The following ZBTB20 variants were observed in gnomAD, a reference collection of about 807,000 sequenced individuals.
The protein encoded by ZBTB20 is zinc finger and BTB domain-containing protein 20.
ZBTB20 carries 9 observed loss-of-function variants against 56.9 expected under a neutral mutation model. The ratio of observed to expected loss-of-function variants is 0.16; its 90% confidence interval spans 0.10 to 0.28. ZBTB20 has a LOEUF of 0.28. Among genes scored for constraint, ZBTB20 ranks in the 10% least tolerant of loss-of-function variants. The pLI is 1.00. For missense variants in ZBTB20, 655 were observed against 1,003.0 expected (o/e 0.65, Z 4.69); for synonymous variants, 417 against 420.7 (o/e 0.99, Z 0.11).
intron 4 of ZBTB20, among the ~76,000 whole-genome samples, chr3:114,816,147 T>C (rs2072899840): frequency 6.6e-6 from 1 of 152,210 alleles, no homozygotes; most frequent in South Asian, 2.1e-4. Context: ...CAAAAACTGT[T>C]ACAAAGTGGG....
At chr3:114,991,021 A>C (rs190216331) in intron 2 of ZBTB20, among the ~76,000 whole-genome samples, 1 of 152,034 alleles carries the variant, frequency 6.6e-6, no homozygotes, top group Non-Finnish European at 1.5e-5. Flanking sequence ...TCTTGCTAGC[A>C]GTCTACCAAT....
At chr3:114,426,432 C>T (rs1331494754) in intron 7 of ZBTB20, among the ~76,000 whole-genome samples, 1 of 151,698 alleles carries the variant, frequency 6.6e-6, no homozygotes, top group Non-Finnish European at 1.5e-5. Flanking sequence ...CTCTTTAGTC[C>T]TCCAGTGGCT....
intron 2 of ZBTB20, among the ~76,000 whole-genome samples, chr3:115,040,074 CATAA>C (rs2081080245): frequency 6.6e-6 from 1 of 151,908 alleles, no homozygotes; most frequent in Non-Finnish European, 1.5e-5. Context: ...CTTTGCTCAC[CATAA>C]ATATATACAA....
chr3:115,114,423 A>G (rs2083963234), intron 1 of ZBTB20, among the ~76,000 whole-genome samples: 1 of 152,210 alleles, frequency 6.6e-6, no homozygotes, highest in Admixed American at 6.5e-5. Context: ...TTTCAATATT[A>G]ATGGCCAATT....
chr3:114,879,434 T>A (rs2076314637), intron 4 of ZBTB20, among the ~76,000 whole-genome samples: 1 of 152,146 alleles, frequency 6.6e-6, no homozygotes, highest in African/African-American at 2.4e-5. Context: ...AAACCCTCAG[T>A]AGTGACTAAA....
chr3:115,020,530 A>G (rs557259127), intron 2 of ZBTB20, among the ~76,000 whole-genome samples: 1 of 151,316 alleles, frequency 6.6e-6, no homozygotes, highest in South Asian at 2.1e-4. Context: ...AACTTCAAGT[A>G]AAGGAATCTT....
intron 6 of ZBTB20, among the ~76,000 whole-genome samples, chr3:114,645,191 C>T (rs1015651654): frequency 3.3e-5 from 5 of 151,934 alleles, no homozygotes; most frequent in African/African-American, 9.7e-5. Context: ...ACTATATTGG[C>T]GAGTTAATAC....
chr3:114,582,744 A>C (rs2054783524), intron 6 of ZBTB20, among the ~76,000 whole-genome samples: 2 of 152,228 alleles, frequency 1.3e-5, no homozygotes, highest in African/African-American at 4.8e-5. Flanking sequence ...CCTAACTAGA[A>C]TTAATCGAGG....
intron 5 of ZBTB20, among the ~76,000 whole-genome samples, chr3:114,725,521 A>C (rs980771520): frequency 1.3e-5 from 2 of 152,250 alleles, no homozygotes; most frequent in African/African-American, 2.4e-5. Flanking sequence ...TGATAATGAA[A>C]GTCAATATAT....
chr3:114,804,252 A>AG (rs1221406494), intron 4 of ZBTB20, among the ~76,000 whole-genome samples: 2 of 151,952 alleles, frequency 1.3e-5, no homozygotes, highest in Non-Finnish European at 2.9e-5. Context: ...CAAAACCTGA[A>AG]GGGGGGTGAG....
At chr3:114,756,398 T>C (rs2068013534) in intron 5 of ZBTB20, among the ~76,000 whole-genome samples, 1 of 152,176 alleles carries the variant, frequency 6.6e-6, no homozygotes, top group South Asian at 2.1e-4. Context: ...ATTAATTCAG[T>C]TCTGACTGAC....
At chr3:114,962,577 C>A (rs1032872172) in intron 3 of ZBTB20, among the ~76,000 whole-genome samples, 1 of 152,102 alleles carries the variant, frequency 6.6e-6, no homozygotes, top group Non-Finnish European at 1.5e-5. Flanking sequence ...AATATAAAAG[C>A]TTAACAGTCG....
Position 114,662,350 on chromosome 3 carries a change from T to C in ZBTB20, c.-295+31178A>G, listed in dbSNP as rs1435757187. Among the ~76,000 whole-genome samples, 4 of 148,458 alleles carry C rather than the reference T, an allele frequency of 2.7e-5. No individual in the cohort carries two copies. The East Asian group carries it at 7.9e-4, about 29-fold the overall frequency. ...TCCAAGTCTTTGCTATTGTGAATAA[T>C]GCCGCAATAAACATACATGTGCATG... is the stretch of plus-strand genomic sequence containing the variant. On this transcript the variant is annotated intron_variant, in intron 6 of 11. Coordinates refer to ENST00000675478, the MANE Select transcript of ZBTB20 (RefSeq NM_001348800.3).
intron 3 of ZBTB20, among the ~76,000 whole-genome samples, chr3:114,971,647 T>C (rs2077888917): frequency 6.6e-6 from 1 of 152,200 alleles, no homozygotes; most frequent in African/African-American, 2.4e-5. Context: ...AAGTGGGACA[T>C]GTCTTATTTA....
Position 114,389,347 on chromosome 3 carries a change from C to A in ZBTB20, c.-254-242G>T, listed in dbSNP as rs555462542. Among the ~76,000 whole-genome samples the A allele has an allele frequency of 2.6e-5, 4 of 152,228 alleles. No individual in the cohort carries two copies. In the South Asian group the frequency reaches 8.3e-4, roughly 32 times the overall value. On this transcript the variant is annotated intron_variant, in intron 7 of 11. Coordinates refer to ENST00000675478, the MANE Select transcript of ZBTB20 (RefSeq NM_001348800.3). Reference sequence around the variant, plus strand: ...GCCTGGGACATCAACAGTACCCTGTCAGTGCGGGCGGAGCTGATTTTGTGG... The same window carrying A: ...GCCTGGGACATCAACAGTACCCTGTAAGTGCGGGCGGAGCTGATTTTGTGG...
intron 7 of ZBTB20, among the ~76,000 whole-genome samples, chr3:114,464,091 A>C (rs2092440870): frequency 6.6e-6 from 1 of 152,204 alleles, no homozygotes; most frequent in Non-Finnish European, 1.5e-5. Flanking sequence ...ACACATCTCC[A>C]AATTTCCCGC....
chr3:114,730,098 C>G (rs1189841434), intron 5 of ZBTB20, among the ~76,000 whole-genome samples: 1 of 151,498 alleles, frequency 6.6e-6, no homozygotes, highest in Admixed American at 6.6e-5. Context: ...GTGTCTGGCC[C>G]CAAAGATTTT....
In ZBTB20 at chr3:114,403,729, CT is replaced by C. The variant is rs1214602611; in HGVS notation, c.-254-14625del. Among the ~76,000 whole-genome samples, 5 of 152,132 alleles carry C rather than the reference CT, an allele frequency of 3.3e-5. No homozygotes were observed. The East Asian group carries it at 9.7e-4, about 29-fold the overall frequency. On this transcript the variant is annotated intron_variant, in intron 7 of 11. Coordinates refer to ENST00000675478, the MANE Select transcript of ZBTB20 (RefSeq NM_001348800.3). ...GCAAACTTCACTTCAAAAAAATTAA[CT>C]GAGAAGCCAGATGATAATCCAGATA...
At chr3:114,789,808 G>C (rs2070805745) in intron 5 of ZBTB20, among the ~76,000 whole-genome samples, 1 of 152,094 alleles carries the variant, frequency 6.6e-6, no homozygotes, top group Admixed American at 6.6e-5. Context: ...GAAGTCATGA[G>C]GTGAGAAGAA....
Sources: gnomAD v4.1 joint callset for allele counts (sites outside exome capture counted in the v4.1 genomes callset) on GRCh38, gnomAD v4.1.1 for gene constraint, MANE v1.5 for transcripts, NCBI Gene and HGNC (gene_info 2026-07-23, HGNC 2026-07-21) for gene names.